CTNND2: variants seen among roughly 807,000 people sequenced by gnomAD.
The protein encoded by CTNND2 is catenin delta-2.
Under a neutral mutation model 144.4 loss-of-function variants are expected in CTNND2, and 22 were observed. The observed-to-expected ratio is 0.15, with a 90% CI of 0.11 to 0.22. The LOEUF (loss-of-function observed/expected upper bound fraction) is 0.22, where lower values mean the gene tolerates loss of function less well. Among genes scored for constraint, CTNND2 ranks in the 10% least tolerant of loss-of-function variants. CTNND2 has a pLI of 1.00. For synonymous variants in CTNND2, 751 were observed against 695.6 expected (o/e 1.08, Z -1.25); for missense variants, 1,353 against 1,618.8 (o/e 0.84, Z 2.82).
intron 16 of CTNND2, among the ~76,000 whole-genome samples, chr5:11,039,103 CAAACA>C (rs1279255502): frequency 1.3e-5 from 2 of 152,228 alleles, no homozygotes; most frequent in African/African-American, 2.4e-5. Context: ...AGCAAACAAA[CAAACA>C]AAACACACAA....
chr5:11,330,648 C>T (rs1267980216), intron 9 of CTNND2, among the ~76,000 whole-genome samples: 4 of 151,366 alleles, frequency 2.6e-5, no homozygotes, highest in Admixed American at 2.6e-4. Flanking sequence ...ACATGATGAA[C>T]CCCCACCCCC....
At chr5:11,291,700 A>T (rs1299960994) in intron 9 of CTNND2, among the ~76,000 whole-genome samples, 3 of 152,078 alleles carry the variant, frequency 2.0e-5, no homozygotes, top group Non-Finnish European at 4.4e-5. Flanking sequence ...CTCCAAACGT[A>T]TCTCTAGCTT....
intron 3 of CTNND2, among the ~76,000 whole-genome samples, chr5:11,564,434 C>G (rs1171558222): frequency 6.6e-6 from 1 of 152,114 alleles, no homozygotes; most frequent in Non-Finnish European, 1.5e-5. Context: ...AAACTAATCA[C>G]TAATTGAATA....
chr5:11,309,660 G>T (rs1041913574), intron 9 of CTNND2, among the ~76,000 whole-genome samples: 3 of 152,162 alleles, frequency 2.0e-5, no homozygotes, highest in Non-Finnish European at 4.4e-5. Context: ...AAGACTTGGG[G>T]GACTGTTGAG....
chr5:11,381,964 CTCAAAAAA>C (rs1195021272), intron 7 of CTNND2, among the ~76,000 whole-genome samples: 4 of 149,772 alleles, frequency 2.7e-5, no homozygotes, highest in African/African-American at 4.9e-5. Flanking sequence ...GAGACTCTGT[CTCAAAAAA>C]ACAAAAAAAC....
chr5:11,651,113 G>A (rs1782626331), intron 2 of CTNND2, among the ~76,000 whole-genome samples: 1 of 152,198 alleles, frequency 6.6e-6, no homozygotes, highest in South Asian at 2.1e-4. Flanking sequence ...TGGAGGCATA[G>A]GCAGGAATAA....
intron 2 of CTNND2, among the ~76,000 whole-genome samples, chr5:11,702,568 TTTC>T (rs1785499901): frequency 6.6e-6 from 1 of 152,190 alleles, no homozygotes; most frequent in Non-Finnish European, 1.5e-5. Context: ...CCCTCTTATC[TTTC>T]TTCTTCTACC....
chr5:11,568,188 C>T (rs539078168), intron 2 of CTNND2, among the ~76,000 whole-genome samples: 4 of 152,132 alleles, frequency 2.6e-5, no homozygotes, highest in South Asian at 2.1e-4. Context: ...ATGGTTCTTT[C>T]CCTGGTCTCT....
chr5:11,474,436 A>G (rs1045675071), intron 3 of CTNND2, among the ~76,000 whole-genome samples: 1 of 152,228 alleles, frequency 6.6e-6, no homozygotes, highest in African/African-American at 2.4e-5. Flanking sequence ...TTTAAAAATG[A>G]TATTATGAGA....
intron 2 of CTNND2, among the ~76,000 whole-genome samples, chr5:11,677,360 C>T (rs1477801382): frequency 6.6e-6 from 1 of 152,190 alleles, no homozygotes; most frequent in East Asian, 1.9e-4. Context: ...CTATCTGCCC[C>T]TGAGTAGAGC....
rs538412327 is a variant in CTNND2 at position 11,710,325 on chromosome 5, G to A, written c.174+21811C>T. Among the ~76,000 whole-genome samples the A allele has an allele frequency of 1.2e-3, 190 of 152,114 alleles. 1 individual carries two copies. Among genetic ancestry groups the A allele is most frequent in the Middle Eastern group, 3.4e-3 (1 of 294 alleles). On this transcript the variant is annotated intron_variant, in intron 2 of 21. Transcript: ENST00000304623. ...TGGGAGGCTGAGGTGGGTGGATCACGAGGTCAAGGGATCGAGATCATCCTG... is the reference window on the plus strand; with the variant it reads ...TGGGAGGCTGAGGTGGGTGGATCACAAGGTCAAGGGATCGAGATCATCCTG...
intron 9 of CTNND2, among the ~76,000 whole-genome samples, chr5:11,287,658 C>G (rs771253721): frequency 2.0e-5 from 3 of 152,160 alleles, no homozygotes; most frequent in Non-Finnish European, 2.9e-5. Context: ...CTTTACAGTA[C>G]TATAAAGGGA....
At chr5:11,521,321 T>A (rs1482967391) in intron 3 of CTNND2, among the ~76,000 whole-genome samples, 3 of 152,254 alleles carry the variant, frequency 2.0e-5, no homozygotes, top group African/African-American at 7.2e-5. Context: ...TAACTGAGCC[T>A]TCTTTATTAT....
chr5:11,662,203 A>ATG (rs1206113213), intron 2 of CTNND2, among the ~76,000 whole-genome samples: 11 of 139,070 alleles, frequency 7.9e-5, no homozygotes, highest in African/African-American at 1.4e-4. Context: ...ATGTGTATAT[A>ATG]TGTATATATA....
At chr5:11,623,123 T>C (rs1310153073) in intron 2 of CTNND2, among the ~76,000 whole-genome samples, 1 of 152,196 alleles carries the variant, frequency 6.6e-6, no homozygotes, top group Non-Finnish European at 1.5e-5. Context: ...TACATGAGAC[T>C]TTCAGCCTCC....
At position 10,988,205 on chromosome 5, in the gene CTNND2, G is replaced by C. The variant is rs779673876; in HGVS notation, c.3249C>G (p.Leu1083=). The part of the protein sequence containing the change: ...APASPREMIS[L]KERKTDYECT... ...ACTCGTAGTCTGTTTTCCTTTCTTTGAGGCTGATCATTTCCCGAGGTGAAG... is the reference window on the plus strand; with the variant it reads ...ACTCGTAGTCTGTTTTCCTTTCTTTCAGGCTGATCATTTCCCGAGGTGAAG... The change falls in exon 20 of 22, where the codon CTC becomes CTG. Residue 1083 remains leucine, a synonymous_variant. Coordinates refer to ENST00000304623, the MANE Select transcript of CTNND2 (RefSeq NM_001332.4). This position sits in a 1 kb window ranked among gnomAD's most constrained non-coding sequence, Gnocchi z 5.9. The C allele has an allele frequency of 4.3e-6, 7 of 1,614,174 alleles. No homozygotes were observed. The South Asian group carries it at 7.7e-5, about 18-fold the overall frequency.
chr5:11,064,683 G>A (rs1352268015), intron 16 of CTNND2, among the ~76,000 whole-genome samples: 1 of 152,120 alleles, frequency 6.6e-6, no homozygotes, highest in Non-Finnish European at 1.5e-5. Flanking sequence ...TACCAGCCCT[G>A]TCAGCTCTAC....
At chr5:11,840,122 T>C (rs1391280608) in intron 1 of CTNND2, among the ~76,000 whole-genome samples, 1 of 152,166 alleles carries the variant, frequency 6.6e-6, no homozygotes, top group East Asian at 1.9e-4. Context: ...TAACTACATC[T>C]GAGTGGTCTG....
At chr5:11,128,366 T>C (rs1031827150) in intron 12 of CTNND2, among the ~76,000 whole-genome samples, 1 of 152,040 alleles carries the variant, frequency 6.6e-6, no homozygotes, top group Admixed American at 6.6e-5. Flanking sequence ...CTGCAGTAGC[T>C]TGGATTCTTC....
Sources: allele counts gnomAD v4.1 joint callset (sites outside exome capture counted in the v4.1 genomes callset), GRCh38; gene constraint gnomAD v4.1.1; non-coding constraint Gnocchi (gnomAD v3.1); transcripts MANE v1.5; gene names NCBI Gene and HGNC (gene_info 2026-07-23, HGNC 2026-07-21).